Variants in ARB2A observed in about 807,000 individuals in gnomAD.
ARB2A encodes the protein ARB2 cotranscriptional regulator A, also known as cotranscriptional regulator ARB2A.
At chr5:93,940,677 C>T in the ARB2A span, among the ~76,000 whole-genome samples, 1 of 151,950 alleles carries the variant, frequency 6.6e-6, no homozygotes, top group Non-Finnish European at 1.5e-5. Context: ...CTCTTAAGTT[C>T]ACATGTATGA....
At chr5:93,891,101 T>A in the ARB2A span, among the ~76,000 whole-genome samples, 6 of 152,152 alleles carry the variant, frequency 3.9e-5, no homozygotes, top group African/African-American at 1.4e-4. Context: ...GACGACTTTA[T>A]GGAGTAGAGT....
chr5:93,851,383 T>C, the ARB2A span, among the ~76,000 whole-genome samples: 1 of 152,178 alleles, frequency 6.6e-6, no homozygotes, highest in Non-Finnish European at 1.5e-5. Context: ...GTAGTAATTT[T>C]GTTGGTTGAA....
At chr5:93,929,007 C>A in the ARB2A span, among the ~76,000 whole-genome samples, 2 of 151,360 alleles carry the variant, frequency 1.3e-5, no homozygotes, top group African/African-American at 4.9e-5. Flanking sequence ...AAAAAAAGTA[C>A]TTTTTTTGAT....
At chr5:93,679,344 C>T in the ARB2A span, among the ~76,000 whole-genome samples, 2 of 151,656 alleles carry the variant, frequency 1.3e-5, no homozygotes, top group Non-Finnish European at 2.9e-5. Flanking sequence ...ATGTAAATTA[C>T]ACATAATTTT....
the ARB2A span, chr5:93,881,255 A>C: frequency 2.6e-6 from 1 of 378,688 alleles, no homozygotes; most frequent in South Asian, 4.4e-5. Context: ...CAGAATTTGC[A>C]TTTGTGACTT....
chr5:93,993,124 A>G, the ARB2A span, among the ~76,000 whole-genome samples: 44 of 152,238 alleles, frequency 2.9e-4, no homozygotes, highest in African/African-American at 9.9e-4. Flanking sequence ...TGTACCTGCC[A>G]TTTTATATCA....
the ARB2A span, among the ~76,000 whole-genome samples, chr5:93,973,161 G>C: frequency 9.7e-6 from 1 of 103,514 alleles, no homozygotes; most frequent in Non-Finnish European, 1.9e-5. Flanking sequence ...ATGTTGGCCA[G>C]GCTGGTCTTG....
At chr5:93,665,757 G>A in the ARB2A span, among the ~76,000 whole-genome samples, 130 of 152,284 alleles carry the variant, frequency 8.5e-4, 1 homozygote, top group African/African-American at 3.0e-3. Context: ...TTCTAACGCT[G>A]TCACTGTGGC....
At chr5:93,764,142 G>C in the ARB2A span, among the ~76,000 whole-genome samples, 3 of 152,290 alleles carry the variant, frequency 2.0e-5, no homozygotes, top group East Asian at 5.8e-4. Context: ...AAAAGAACTA[G>C]AGAAGCAAGA....
the ARB2A span, among the ~76,000 whole-genome samples, chr5:93,956,041 C>G: frequency 6.6e-6 from 1 of 152,178 alleles, no homozygotes; most frequent in African/African-American, 2.4e-5. Flanking sequence ...TTTCTTACTC[C>G]AGGTAACACA....
the ARB2A span, among the ~76,000 whole-genome samples, chr5:93,944,398 C>T: frequency 3.3e-5 from 5 of 152,082 alleles, no homozygotes; most frequent in East Asian, 9.7e-4. Context: ...GAGTTTGAGA[C>T]CAGCCTCGCC....
the ARB2A span, among the ~76,000 whole-genome samples, chr5:93,640,512 CTAAA>C: frequency 6.6e-6 from 1 of 151,330 alleles, no homozygotes; most frequent in Non-Finnish European, 1.5e-5. Context: ...GAACTCAATC[CTAAA>C]TAGACATTTC....
the ARB2A span, among the ~76,000 whole-genome samples, chr5:93,899,871 AG>A: frequency 1.3e-5 from 2 of 152,180 alleles, no homozygotes; most frequent in African/African-American, 4.8e-5. Flanking sequence ...CAACAAAACT[AG>A]TTTGGGAAAA....
chr5:93,890,393 G>A, the ARB2A span, among the ~76,000 whole-genome samples: 5 of 151,438 alleles, frequency 3.3e-5, no homozygotes, highest in Non-Finnish European at 7.4e-5. Context: ...TTACTTTCAT[G>A]TGCACTTAAT....
At chr5:93,843,140 T>C in the ARB2A span, among the ~76,000 whole-genome samples, 1 of 152,154 alleles carries the variant, frequency 6.6e-6, no homozygotes, top group Non-Finnish European at 1.5e-5. Flanking sequence ...TCCCAACAAA[T>C]AGACTACTCA....
the ARB2A span, among the ~76,000 whole-genome samples, chr5:93,946,017 C>A: frequency 2.0e-5 from 3 of 152,156 alleles, no homozygotes; most frequent in Non-Finnish European, 4.4e-5. Flanking sequence ...AAAGTATTTT[C>A]TACCTGGAAT....
the ARB2A span, among the ~76,000 whole-genome samples, chr5:93,854,341 C>G: frequency 2.0e-4 from 30 of 152,110 alleles, no homozygotes; most frequent in East Asian, 4.5e-3. Flanking sequence ...TTTGAGTCTT[C>G]TCTCTTTTCT....
the ARB2A span, among the ~76,000 whole-genome samples, chr5:93,810,906 T>C: frequency 6.6e-6 from 1 of 152,092 alleles, no homozygotes; most frequent in Admixed American, 6.6e-5. Flanking sequence ...TTTCCTCATA[T>C]GCAACTGAGG....
the ARB2A span, among the ~76,000 whole-genome samples, chr5:93,743,902 G>C: frequency 6.6e-6 from 1 of 152,074 alleles, no homozygotes; most frequent in African/African-American, 2.4e-5. Context: ...TCCTGACCTT[G>C]TGATCCGCCT....
Sources: gnomAD v4.1 joint callset for allele counts (sites outside exome capture counted in the v4.1 genomes callset) on GRCh38, gnomAD v4.1.1 for gene constraint, MANE v1.5 for transcripts, NCBI Gene and HGNC (gene_info 2026-07-23, HGNC 2026-07-21) for gene names.